HSH2D: variants seen among roughly 807,000 people sequenced by gnomAD.
HSH2D encodes hematopoietic SH2 domain containing, also known as hematopoietic SH2 domain-containing protein.
A neutral mutation model predicts 21.5 loss-of-function variants in HSH2D; 16 were observed. The ratio of observed to expected loss-of-function variants is 0.74; its 90% CI spans 0.50 to 1.13. The LOEUF is 1.13. Among genes scored for constraint, HSH2D ranks in the 50% most tolerant of loss-of-function variants. HSH2D has a pLI of 0.00. For missense variants in HSH2D, 418 were observed against 441.4 expected, an observed-to-expected ratio of 0.95 and a Z score of 0.47; for synonymous variants, 172 against 184.7, an observed-to-expected ratio of 0.93 and a Z score of 0.56.
At chr19:16,154,698 G>A (rs903480408) in intron 5 of HSH2D, 4 of 445,080 alleles carry the variant, frequency 9.0e-6, no homozygotes, top group South Asian at 4.6e-5. Flanking sequence ...CCTACCCAGC[G>A]CCAGCCCTGC....
At position 16,157,147 on chromosome 19, in the gene HSH2D, C is replaced by G; in HGVS notation, c.475-63C>G. The G allele has an allele frequency of 7.2e-7, 1 of 1,392,520 alleles. No individual in the cohort carries two copies. The highest frequency in any genetic ancestry group is 9.7e-7 in the Non-Finnish European group (1 of 1,031,530). 86.3% of individuals were successfully genotyped at this position (1,392,520 alleles called of 1,614,324 possible). A position where few individuals can be genotyped will look rare whatever the true frequency, so the allele number is the denominator to read the frequency against. ...CTGGGTGGAACCCAGGCTCCAATTTCTGGGACAGACATGGTGCTCTGGTGG... is the reference window on the plus strand; with the variant it reads ...CTGGGTGGAACCCAGGCTCCAATTTGTGGGACAGACATGGTGCTCTGGTGG... On this transcript the variant is annotated intron_variant, in intron 5 of 5. Transcript: ENST00000613986. This position sits in a 1 kb window ranked among gnomAD's most constrained non-coding sequence, Gnocchi z 4.4.
In HSH2D at chr19:16,157,899, T is replaced by C; in HGVS notation, c.*105T>C. ...CCCACACCATGGCATCCGGGGGTCT[T>C]CGGGAACCCGGGAAATGGAATAAAG... On this transcript the variant is annotated 3_prime_UTR_variant, in exon 6 of 6. Transcript: ENST00000613986. The surrounding 1 kb of genome is among the most constrained non-coding windows in gnomAD (Gnocchi z 4.4). The C allele has an allele frequency of 4.9e-6, 4 of 811,062 alleles. No homozygotes were observed. In the South Asian group the frequency reaches 7.3e-5, roughly 15 times the overall value. The allele number at this position is 811,062 out of a possible 1,614,324, so 50.2% of individuals were successfully genotyped here. A position where few individuals can be genotyped will look rare whatever the true frequency, so the allele number is the denominator to read the frequency against.
intron 1 of HSH2D, among the ~76,000 whole-genome samples, chr19:16,137,576 CAAAAAAAA>C (rs78977060): frequency 3.9e-5 from 4 of 102,464 alleles, no homozygotes; most frequent in Admixed American, 9.7e-5. Context: ...GACTCCGTCT[CAAAAAAAA>C]AAAAAAAGAA....
chr19:16,140,529 C>G (rs181052516), upstream of HSH2D, among the ~76,000 whole-genome samples: 5 of 151,956 alleles, frequency 3.3e-5, no homozygotes, highest in African/African-American at 1.2e-4. Context: ...CGCTTGAACC[C>G]GGGAGGTGGA....
chr19:16,145,878 C>A (rs2091061177), intron 1 of HSH2D, among the ~76,000 whole-genome samples: 2 of 151,614 alleles, frequency 1.3e-5, no homozygotes, highest in South Asian at 2.1e-4. Context: ...GATTTGGAGA[C>A]CAGCCTGGCC....
At chr19:16,144,330 G>A (rs1421289353) in intron 1 of HSH2D, among the ~76,000 whole-genome samples, 1 of 151,852 alleles carries the variant, frequency 6.6e-6, no homozygotes, top group African/African-American at 2.4e-5. Flanking sequence ...GGGAACGTTG[G>A]GGACAGAGAG....
chr19:16,149,536 G>GCT (rs1402060873), intron 2 of HSH2D, among the ~76,000 whole-genome samples: 6 of 150,410 alleles, frequency 4.0e-5, no homozygotes, highest in Non-Finnish European at 8.9e-5. Flanking sequence ...CCAAGCAGCT[G>GCT]CTCTCAACCC....
intron 1 of HSH2D, among the ~76,000 whole-genome samples, chr19:16,147,911 C>T (rs1185049536): frequency 1.3e-5 from 2 of 152,072 alleles, no homozygotes; most frequent in South Asian, 4.2e-4. Flanking sequence ...TCCCAAAGTG[C>T]TAGGATTACA....
chr19:16,142,757 C>T (rs1485565871), upstream of HSH2D, among the ~76,000 whole-genome samples: 1 of 151,796 alleles, frequency 6.6e-6, no homozygotes, highest in African/African-American at 2.4e-5. Flanking sequence ...GCCACCGCAC[C>T]CAGCTGGTGT....
At chr19:16,154,348 G>A in intron 4 of HSH2D, 51 bp from the exon 5 acceptor site, 2 of 1,319,484 alleles carry the variant, frequency 1.5e-6, no homozygotes, top group Non-Finnish European at 2.1e-6. Flanking sequence ...GGTCCGTGCA[G>A]GACCTTTCCC....
At position 16,158,467 on chromosome 19, in the gene HSH2D, G is replaced by A. The variant is rs1319702800; in HGVS notation, c.*673G>A. 2 of 152,142 alleles carry A rather than the reference G, an allele frequency of 1.3e-5. No homozygotes were observed. The highest frequency in any genetic ancestry group is 4.8e-5 in the African/African-American group (2 of 41,394). The allele number at this position is 152,142 out of a possible 1,614,324, so 9.4% of individuals were successfully genotyped here. A position where few individuals can be genotyped will look rare whatever the true frequency, so the allele number is the denominator to read the frequency against. On this transcript the variant is annotated 3_prime_UTR_variant, in exon 6 of 6. Transcript: ENST00000613986. ...GAGAATTGCTTGAACCCGGGAGGCA[G>A]AGGTTGCAGTGAGCCGAGATCGCAT...
chr19:16,153,197 C>A lies in HSH2D; in HGVS notation c.370C>A (p.Pro124Thr). The A allele has an allele frequency of 6.5e-7, 1 of 1,544,092 alleles. No homozygotes were observed. The highest frequency in any genetic ancestry group is 1.2e-5 in the South Asian group (1 of 83,008). Reference protein sequence around the residue: ...IEPRRELLTQPCRQKDPANVD... With the variant: ...IEPRRELLTQTCRQKDPANVD... ...GCCGCGCAGGGAGCTGCTGACACAG[C>A]CCTGCAGGCAGGTGAGGGCGGGGAC... Residue 124 changes from proline (P) to threonine (T), a missense_variant, in exon 4 of 6, where the codon CCC (proline) becomes ACC (threonine). Coordinates refer to ENST00000613986, the MANE Select transcript of HSH2D (RefSeq NM_001382417.1).
At chr19:16,147,327 T>C (rs2091085007) in intron 1 of HSH2D, among the ~76,000 whole-genome samples, 2 of 150,704 alleles carry the variant, frequency 1.3e-5, no homozygotes, top group African/African-American at 4.9e-5. Context: ...TCTACAAAAA[T>C]ACAAAAATTA....
intron 2 of HSH2D, among the ~76,000 whole-genome samples, chr19:16,149,127 A>G (rs1412786267): frequency 1.3e-5 from 2 of 152,128 alleles, no homozygotes; most frequent in Non-Finnish European, 2.9e-5. Context: ...CAGCACTGCC[A>G]GGGACCTGGC....
chr19:16,142,789 G>A (rs760243846), upstream of HSH2D, among the ~76,000 whole-genome samples: 2 of 148,218 alleles, frequency 1.3e-5, no homozygotes, highest in Non-Finnish European at 3.0e-5. Flanking sequence ...TTTGTTTTGC[G>A]GGGGACAGAA....
At chr19:16,150,168 G>A (rs2091129159) in intron 2 of HSH2D, among the ~76,000 whole-genome samples, 1 of 152,176 alleles carries the variant, frequency 6.6e-6, no homozygotes, top group African/African-American at 2.4e-5. Flanking sequence ...CCAGCTACTT[G>A]GAATGCTGAG....
Position 16,151,764 on chromosome 19 carries a change from T to TG in HSH2D, c.126-787dup, listed in dbSNP as rs1248215926. ...TGAATAGCCCAAGGTCTGCCACAGCTGAAAAAAAAAAAAAAAAAAAAAAAA... is the reference window on the plus strand; with the variant it reads ...TGAATAGCCCAAGGTCTGCCACAGCTGGAAAAAAAAAAAAAAAAAAAAAAAA... On this transcript the variant is annotated intron_variant, in intron 2 of 5. Coordinates refer to ENST00000613986, the MANE Select transcript of HSH2D (RefSeq NM_001382417.1). Among the ~76,000 whole-genome samples the TG allele has an allele frequency of 4.3e-4, 36 of 84,452 alleles. 1 individual carries two copies. Among genetic ancestry groups the TG allele is most frequent in the Non-Finnish European group, 6.8e-4 (32 of 46,770 alleles). 55.4% of individuals were successfully genotyped at this position (84,452 alleles called of 152,430 possible). A position where few individuals can be genotyped will look rare whatever the true frequency, so the allele number is the denominator to read the frequency against.
chr19:16,150,595 G>A (rs755338632), intron 2 of HSH2D, among the ~76,000 whole-genome samples: 2 of 151,880 alleles, frequency 1.3e-5, no homozygotes, highest in Admixed American at 6.6e-5. Flanking sequence ...CCAGCTACTC[G>A]GGTGGCTGAG....
At chr19:16,141,596 G>C (rs889185855), upstream of HSH2D, among the ~76,000 whole-genome samples, 1 of 152,170 alleles carries the variant, frequency 6.6e-6, no homozygotes, top group Non-Finnish European at 1.5e-5. Flanking sequence ...AATCCAGCCT[G>C]GACCACATCG....
Sources: allele counts gnomAD v4.1 joint callset (sites outside exome capture counted in the v4.1 genomes callset), GRCh38; gene constraint gnomAD v4.1.1; non-coding constraint Gnocchi (gnomAD v3.1); transcripts MANE v1.5; gene names NCBI Gene and HGNC (gene_info 2026-07-23, HGNC 2026-07-21).